The following TCF7L1 variants were observed in gnomAD, a reference collection of about 807,000 sequenced individuals.
TCF7L1 encodes the protein transcription factor 7 like 1, also known as transcription factor 7-like 1.
In TCF7L1, 18 loss-of-function variants were observed where a neutral mutation model predicts 63.7. The observed-to-expected ratio is 0.28, with a 90% confidence interval of 0.20 to 0.42. The LOEUF (loss-of-function observed/expected upper bound fraction) is 0.42, where lower values mean the gene tolerates loss of function less well. Among genes scored for constraint, TCF7L1 ranks in the 10% least tolerant of loss-of-function variants. The pLI is 1.00. For synonymous variants in TCF7L1, 355 were observed against 340.9 expected, an observed-to-expected ratio of 1.04 and a Z score of -0.46; for missense variants, 654 against 779.3, an observed-to-expected ratio of 0.84 and a Z score of 1.91.
chr2:85,294,175 TA>T (rs1007213270), intron 4 of TCF7L1, among the ~76,000 whole-genome samples: 8 of 152,004 alleles, frequency 5.3e-5, no homozygotes, highest in African/African-American at 1.9e-4. Context: ...TAGCTGGGAC[TA>T]CAGGCACCCG....
At chr2:85,307,439 G>T (rs1419109972) in intron 10 of TCF7L1, among the ~76,000 whole-genome samples, 1 of 152,138 alleles carries the variant, frequency 6.6e-6, no homozygotes, top group Non-Finnish European at 1.5e-5. Context: ...ACCTGGAGGG[G>T]AAACGCGTTT....
Position 85,134,362 on chromosome 2 carries a change from C to T in TCF7L1, c.353C>T (p.Pro118Leu), listed in dbSNP as rs752655879. 1.9e-6 allele frequency: 3 copies of T among 1,582,974 alleles called. No homozygotes were observed. The highest frequency in any genetic ancestry group is 1.2e-5 in the South Asian group (1 of 86,866). The change falls in exon 3 of 12, where the codon CCG becomes CTG. Residue 118 changes from proline to leucine, a missense_variant. Transcript: ENST00000282111. This position sits in a 1 kb window ranked among gnomAD's most constrained non-coding sequence, Gnocchi z 5.0. ...GACAGCGCGTTCTTTAAAGGACCCC[C>T]GTACCCTGGGTACCCCTTCCTGATG... The part of the protein sequence containing the change: ...PQDSAFFKGP[P>L]YPGYPFLMIP...
At chr2:85,215,108 G>A (rs1679669492) in intron 3 of TCF7L1, among the ~76,000 whole-genome samples, 1 of 152,170 alleles carries the variant, frequency 6.6e-6, no homozygotes, top group African/African-American at 2.4e-5. Context: ...GATTCCTGGG[G>A]CATCAAGGTC....
intron 3 of TCF7L1, among the ~76,000 whole-genome samples, chr2:85,169,239 A>G (rs1156966053): frequency 6.6e-6 from 1 of 151,478 alleles, no homozygotes; most frequent in Non-Finnish European, 1.5e-5. Context: ...AACCTTCCCC[A>G]CTGAACACAC....
chr2:85,257,485 G>A (rs1193861540), intron 3 of TCF7L1, among the ~76,000 whole-genome samples: 1 of 152,098 alleles, frequency 6.6e-6, no homozygotes, highest in Admixed American at 6.5e-5. Flanking sequence ...CAGATTCTGG[G>A]GCTTCCCCAC....
At chr2:85,192,964 C>T (rs1202180737) in intron 3 of TCF7L1, among the ~76,000 whole-genome samples, 2 of 152,162 alleles carry the variant, frequency 1.3e-5, no homozygotes, top group Non-Finnish European at 2.9e-5. Flanking sequence ...ACCAGGATTA[C>T]AGGCATAAGC....
chr2:85,267,297 C>G (rs1680998115), intron 3 of TCF7L1, among the ~76,000 whole-genome samples: 2 of 145,436 alleles, frequency 1.4e-5, no homozygotes, highest in African/African-American at 5.2e-5. Context: ...TGCCACTGCA[C>G]TCCAGCCTGG....
Position 85,134,281 on chromosome 2 carries a change from C to T in TCF7L1, c.314-42C>T. 1 of 1,546,046 alleles carries T rather than the reference C, an allele frequency of 6.5e-7. No individual in the cohort carries two copies. The highest frequency in any genetic ancestry group is 2.4e-5 in the East Asian group (1 of 41,444). ...AGCCCCCTGCCGCGGCGCTGTCAGT[C>T]CCGGGGGCCTGGGCCTCACCTCGCC... On this transcript the variant is annotated intron_variant, in intron 2 of 11. Coordinates refer to ENST00000282111, the MANE Select transcript of TCF7L1 (RefSeq NM_031283.3). This position sits in a 1 kb window ranked among gnomAD's most constrained non-coding sequence, Gnocchi z 5.0.
At chr2:85,171,144 A>G (rs1159203132) in intron 3 of TCF7L1, among the ~76,000 whole-genome samples, 3 of 152,202 alleles carry the variant, frequency 2.0e-5, no homozygotes, top group African/African-American at 7.2e-5. Context: ...GCAAGAGAGC[A>G]TGTGCAGGGG....
intron 3 of TCF7L1, among the ~76,000 whole-genome samples, chr2:85,220,807 GAA>G (rs1558637817): frequency 1.3e-5 from 2 of 152,150 alleles, no homozygotes; most frequent in African/African-American, 4.8e-5. Context: ...AAAAGAGAGA[GAA>G]TATATATTTT....
intron 3 of TCF7L1, among the ~76,000 whole-genome samples, chr2:85,283,108 G>A (rs1278057938): frequency 6.6e-6 from 1 of 152,008 alleles, no homozygotes; most frequent in Non-Finnish European, 1.5e-5. Context: ...GGCCATCTGG[G>A]AGCCTCTGCC....
chr2:85,204,298 C>A (rs547048664), intron 3 of TCF7L1, among the ~76,000 whole-genome samples: 2 of 90,310 alleles, frequency 2.2e-5, no homozygotes, highest in Non-Finnish European at 5.2e-5. Context: ...GCTTCCCCCC[C>A]CCCCCCCACT....
In TCF7L1 at chr2:85,307,652, A is replaced by G; in HGVS notation, c.1268A>G (p.Lys423Arg). Residue 423 changes from lysine (K) to arginine (R), a missense_variant, in exon 11 of 12, where the codon AAG becomes AGG. This residue lies in a region of TCF7L1 where 66 missense variants were observed against 120.5 expected (regional missense o/e 0.55). Coordinates refer to ENST00000282111, the MANE Select transcript of TCF7L1 (RefSeq NM_031283.3). ...WSARDNYGKK[K>R]KRKREKQLSQ... The stretch of plus-strand genomic sequence containing the variant: ...GGCTGTATTTTCCAGGGTAAGAAAA[A>G]GAAGAGGAAGAGAGAAAAGCAGCTG... The G allele has an allele frequency of 6.2e-7, 1 of 1,613,698 alleles. No homozygotes were observed. The highest frequency in any genetic ancestry group is 8.5e-7 in the Non-Finnish European group (1 of 1,179,888).
chr2:85,182,874 A>G (rs781535400), intron 3 of TCF7L1, among the ~76,000 whole-genome samples: 2 of 152,134 alleles, frequency 1.3e-5, no homozygotes, highest in Non-Finnish European at 2.9e-5. Flanking sequence ...GTGAAAATAC[A>G]TTGCTGGGTC....
intron 3 of TCF7L1, among the ~76,000 whole-genome samples, chr2:85,223,583 G>C (rs1281898786): frequency 6.6e-6 from 1 of 150,616 alleles, no homozygotes; most frequent in Non-Finnish European, 1.5e-5. Context: ...GATAGATACT[G>C]GTGTGCTGAG....
chr2:85,178,212 A>G (rs1030304425), intron 3 of TCF7L1, among the ~76,000 whole-genome samples: 1 of 152,216 alleles, frequency 6.6e-6, no homozygotes, highest in African/African-American at 2.4e-5. Context: ...TATTTAGAAG[A>G]AAAAAACACA....
At chr2:85,295,732 A>G (rs960001245) in intron 4 of TCF7L1, among the ~76,000 whole-genome samples, 2 of 151,740 alleles carry the variant, frequency 1.3e-5, no homozygotes, top group African/African-American at 4.8e-5. Context: ...CATTCTCTTA[A>G]ATAATCACAG....
intron 3 of TCF7L1, among the ~76,000 whole-genome samples, chr2:85,193,805 T>C (rs1396997935): frequency 6.6e-6 from 1 of 152,202 alleles, no homozygotes; most frequent in Non-Finnish European, 1.5e-5. Flanking sequence ...GTGTGCATCT[T>C]ACTCTAAAAT....
intron 3 of TCF7L1, among the ~76,000 whole-genome samples, chr2:85,252,718 C>T (rs1680624384): frequency 6.6e-6 from 1 of 152,226 alleles, no homozygotes; most frequent in Non-Finnish European, 1.5e-5. Context: ...TTCCAAGCAG[C>T]CCCTACCACA....
Sources: allele counts gnomAD v4.1 joint callset (sites outside exome capture counted in the v4.1 genomes callset), GRCh38; gene constraint gnomAD v4.1.1; regional missense constraint gnomAD v4.1.1; non-coding constraint Gnocchi (gnomAD v3.1); transcripts MANE v1.5; gene names NCBI Gene and HGNC (gene_info 2026-07-23, HGNC 2026-07-21).